Variants in SLFN12L observed in about 807,000 individuals in gnomAD.
SLFN12L encodes schlafen family member 12-like.
Under a neutral mutation model 34.8 loss-of-function variants are expected in SLFN12L, and 34 were observed. The ratio of observed to expected loss-of-function variants is 0.98; its 90% confidence interval spans 0.74 to 1.30. The LOEUF (loss-of-function observed/expected upper bound fraction) is 1.30. Among genes scored for constraint, SLFN12L ranks in the 50% most tolerant of loss-of-function variants. SLFN12L has a pLI of 0.00. For missense variants in SLFN12L, 703 were observed against 696.2 expected (o/e 1.01, Z -0.11); for synonymous variants, 259 against 247.5 (o/e 1.05, Z -0.44).
chr17:35,492,461 G>T (rs1765422303), intron 2 of SLFN12L, among the ~76,000 whole-genome samples: 2 of 152,178 alleles, frequency 1.3e-5, no homozygotes, highest in Non-Finnish European at 2.9e-5. Context: ...CAGATGGAGA[G>T]ACCTCTCGGG....
At chr17:35,530,532 GAAAAGAAAA>G (rs143053237) in intron 1 of SLFN12L, among the ~76,000 whole-genome samples, 61,181 of 102,758 alleles carry the variant, frequency 0.6, 24,750 homozygotes, top group Non-Finnish European at 0.74. Flanking sequence ...GAAAAGAAAA[GAAAAGAAAA>G]GAAAGAAAGA....
intron 2 of SLFN12L, among the ~76,000 whole-genome samples, chr17:35,506,707 A>G (rs998672787): frequency 2.0e-5 from 3 of 152,210 alleles, no homozygotes; most frequent in Non-Finnish European, 4.4e-5. Context: ...TCTCAATGTC[A>G]CTTCATGTTA....
chr17:35,535,333 G>C (rs2072448863), intron 1 of SLFN12L, among the ~76,000 whole-genome samples: 1 of 151,570 alleles, frequency 6.6e-6, no homozygotes, highest in South Asian at 2.1e-4. Context: ...TGGGATTACA[G>C]ACATGTGCCA....
At chr17:35,484,197 A>G (rs912660690) in intron 2 of SLFN12L, among the ~76,000 whole-genome samples, 2 of 152,132 alleles carry the variant, frequency 1.3e-5, no homozygotes, top group Non-Finnish European at 2.9e-5. Context: ...TAAACTCTCT[A>G]TCATCCATCC....
In SLFN12L at chr17:35,469,399, TAAA is replaced by T. The variant is rs542627805; in HGVS notation, c.*5521_*5523del. Among the ~76,000 whole-genome samples the T allele has an allele frequency of 1.8e-3, 264 of 149,298 alleles. 2 individuals carry two copies. The highest frequency in any genetic ancestry group is 6.2e-3 in the African/African-American group (254 of 40,644). Reference sequence around the variant, plus strand: ...CTTTAAAACTCCACCAAGATAATAGTAAAAACCTCCAAAAATTTCAGATCTACT... The same window carrying T: ...CTTTAAAACTCCACCAAGATAATAGTAACCTCCAAAAATTTCAGATCTACT... On this transcript the variant is annotated 3_prime_UTR_variant, in exon 5 of 5. Transcript: ENST00000628453.
chr17:35,535,548 G>A (rs1024859134), intron 1 of SLFN12L, among the ~76,000 whole-genome samples: 4 of 150,720 alleles, frequency 2.7e-5, no homozygotes, highest in South Asian at 2.1e-4. Context: ...GTGCAGTGGT[G>A]CAGTCATAGC....
At chr17:35,522,164 C>T (rs1916016929) in intron 2 of SLFN12L, 115 bp downstream of exon 2, 1 of 1,415,474 alleles carries the variant, frequency 7.1e-7, no homozygotes, top group Non-Finnish European at 9.6e-7. Flanking sequence ...CTCCTAAACA[C>T]AGTTTGTTGT....
intron 1 of SLFN12L, among the ~76,000 whole-genome samples, chr17:35,524,149 C>A (rs1443922562): frequency 6.6e-6 from 1 of 152,094 alleles, no homozygotes; most frequent in Non-Finnish European, 1.5e-5. Flanking sequence ...CTTGATTATG[C>A]CTGCAACGTG....
intron 2 of SLFN12L, among the ~76,000 whole-genome samples, chr17:35,509,051 G>C (rs1567676415): frequency 6.6e-6 from 1 of 152,122 alleles, no homozygotes; most frequent in Non-Finnish European, 1.5e-5. Flanking sequence ...GGAATCCCAG[G>C]AACTGAAAGA....
chr17:35,465,052 T>C lies in SLFN12L; in HGVS notation c.*9871A>G, dbSNP rs190075517. Among the ~76,000 whole-genome samples, 42 of 152,196 alleles carry C rather than the reference T, an allele frequency of 2.8e-4. No homozygotes were observed. The highest frequency in any genetic ancestry group is 5.4e-4 in the Non-Finnish European group (37 of 68,004). ...CCACCACATCCAGCTAATTTTTGTA[T>C]TTTTTAGTAGAGATGAGGTTTCACT... On this transcript the variant is annotated 3_prime_UTR_variant, in exon 5 of 5. Coordinates refer to ENST00000628453, the MANE Select transcript of SLFN12L (RefSeq NM_001363830.2).
At chr17:35,535,093 G>C (rs1353729080) in intron 1 of SLFN12L, among the ~76,000 whole-genome samples, 2 of 152,052 alleles carry the variant, frequency 1.3e-5, no homozygotes, top group Non-Finnish European at 2.9e-5. Flanking sequence ...CTGAGGTTGG[G>C]GGACATATTC....
intron 2 of SLFN12L, chr17:35,515,114 G>A (rs760182890): frequency 1.6e-6 from 1 of 628,180 alleles, no homozygotes; most frequent in Non-Finnish European, 3.1e-6. Flanking sequence ...AGTCTTTTGC[G>A]GTCGAAGTAG....
chr17:35,495,624 G>A (rs1041872323), intron 2 of SLFN12L, among the ~76,000 whole-genome samples: 38 of 151,352 alleles, frequency 2.5e-4, no homozygotes, highest in African/African-American at 8.7e-4. Flanking sequence ...GGCTCTCCCC[G>A]GGGTGGGTTG....
At chr17:35,485,378 G>C (rs1452693168) in intron 2 of SLFN12L, among the ~76,000 whole-genome samples, 1 of 151,860 alleles carries the variant, frequency 6.6e-6, no homozygotes, top group Non-Finnish European at 1.5e-5. Context: ...GGAGTTGTTT[G>C]TTTTTTTCTT....
chr17:35,536,510 T>C (rs1235999260), intron 1 of SLFN12L, among the ~76,000 whole-genome samples: 1 of 152,080 alleles, frequency 6.6e-6, no homozygotes, highest in Non-Finnish European at 1.5e-5. Flanking sequence ...GTTTATATAT[T>C]ACGAAAAACA....
intron 2 of SLFN12L, among the ~76,000 whole-genome samples, chr17:35,513,015 T>C (rs1340212691): frequency 6.6e-6 from 1 of 152,078 alleles, no homozygotes; most frequent in African/African-American, 2.4e-5. Flanking sequence ...TGTCCCTCTA[T>C]CTATATCTGG....
intron 1 of SLFN12L, among the ~76,000 whole-genome samples, chr17:35,532,285 C>A (rs1190857408): frequency 6.6e-6 from 1 of 151,434 alleles, no homozygotes; most frequent in Non-Finnish European, 1.5e-5. Flanking sequence ...ACTAAAAATA[C>A]AAAAATTAGC....
Position 35,475,012 on chromosome 17 carries a change from A to G in SLFN12L, c.1750T>C (p.Leu584=). The change falls in exon 5 of 5, where the codon TTA becomes CTA. Residue 584 remains leucine, a synonymous_variant. Transcript: ENST00000628453. ...AAAAAGATTTGATTCTCCTTAGGTAAGATATTTGAAAGGGCCTTTTCCAAG... is the reference window on the plus strand; with the variant it reads ...AAAAAGATTTGATTCTCCTTAGGTAGGATATTTGAAAGGGCCTTTTCCAAG... ...KDLEKALSNI[L]PKENQIFLFV... 6.3e-7 allele frequency: 1 copy of G among 1,589,610 alleles called. No homozygotes were observed. The highest frequency in any genetic ancestry group is 8.6e-7 in the Non-Finnish European group (1 of 1,166,140).
intron 2 of SLFN12L, chr17:35,491,101 G>C (rs1432788270): frequency 1.3e-6 from 1 of 776,688 alleles, no homozygotes; most frequent in Non-Finnish European, 2.4e-6. Flanking sequence ...TGCCTCCCCT[G>C]CTGCAAGATG....
Sources: allele counts gnomAD v4.1 joint callset (sites outside exome capture counted in the v4.1 genomes callset), GRCh38; gene constraint gnomAD v4.1.1; transcripts MANE v1.5; gene names NCBI Gene and HGNC (gene_info 2026-07-23, HGNC 2026-07-21).